CIT: variants seen among roughly 807,000 people sequenced by gnomAD.
CIT encodes citron rho-interacting serine/threonine kinase, also known as citron Rho-interacting kinase.
Under a neutral mutation model 272.7 loss-of-function variants are expected in CIT, and 79 were observed. The observed-to-expected ratio is 0.29, with a 90% CI of 0.24 to 0.35. CIT has a LOEUF of 0.35. Ranked by LOEUF, CIT falls within the 10% of genes least tolerant of loss-of-function variation. CIT has a pLI of 1.00. For missense variants in CIT, 1,909 were observed against 2,618.3 expected, an observed-to-expected ratio of 0.73 and a Z score of 5.91; for synonymous variants, 948 against 995.6, an observed-to-expected ratio of 0.95 and a Z score of 0.90.
intron 28 of CIT, among the ~76,000 whole-genome samples, chr12:119,725,229 C>T (rs1171916267): frequency 2.0e-5 from 3 of 152,020 alleles, no homozygotes; most frequent in Non-Finnish European, 4.4e-5. Flanking sequence ...TGGAGACAAG[C>T]TGGGCCAACA....
At chr12:119,843,765 G>A (rs1463549252) in intron 5 of CIT, among the ~76,000 whole-genome samples, 5 of 151,806 alleles carry the variant, frequency 3.3e-5, no homozygotes, top group East Asian at 2.0e-4. Flanking sequence ...AGCCAAGATC[G>A]CGCCACTGCA....
At chr12:119,817,194 A>T (rs368211628) in intron 9 of CIT, among the ~76,000 whole-genome samples, 5 of 152,164 alleles carry the variant, frequency 3.3e-5, no homozygotes, top group Admixed American at 2.0e-4. Flanking sequence ...GTCACAGCCT[A>T]TAGTCTGTAT....
chr12:119,743,619 T>C lies in CIT; in HGVS notation c.2905-1155A>G, dbSNP rs939036436. Among the ~76,000 whole-genome samples the C allele has an allele frequency of 6.6e-5, 10 of 152,358 alleles. 1 individual carries two copies. In the East Asian group the frequency reaches 1.9e-3, roughly 29 times the overall value. ...CATGAGGTCTGTTATAGGAAACTTCTGCTTTAGATACTATAACTAATCAAA... is the reference window on the plus strand; with the variant it reads ...CATGAGGTCTGTTATAGGAAACTTCCGCTTTAGATACTATAACTAATCAAA... On this transcript the variant is annotated intron_variant, in intron 23 of 47. Coordinates refer to ENST00000392521, the MANE Select transcript of CIT (RefSeq NM_001206999.2).
chr12:119,871,690 C>A (rs1368857403), intron 2 of CIT, among the ~76,000 whole-genome samples: 1 of 151,936 alleles, frequency 6.6e-6, no homozygotes, highest in East Asian at 1.9e-4. Context: ...CCCATCTCTA[C>A]AAACAAACAA....
At chr12:119,763,150 AAATGTTTATTTG>A (rs1282724883) in intron 19 of CIT, among the ~76,000 whole-genome samples, 17 of 152,196 alleles carry the variant, frequency 1.1e-4, no homozygotes, top group African/African-American at 3.1e-4. Flanking sequence ...AAGGGGAGCA[AAATGTTTATTTG>A]AAATAAGAGA....
rs76056294 is a variant in CIT at position 119,849,556 on chromosome 12, G to A, written c.516+618C>T. 2.1e-3 allele frequency among the ~76,000 whole-genome samples: 320 copies of A among 152,206 alleles called. 2 individuals are homozygous for A. The highest frequency in any genetic ancestry group is 7.2e-3 in the African/African-American group (301 of 41,536). On this transcript the variant is annotated intron_variant, in intron 5 of 47. Transcript: ENST00000392521. ...TTTAATCCTAAGCAAGCTAACACAG[G>A]AAGTTTTTAAAAATTAAAGCAAGAT...
chr12:119,860,494 T>C (rs950559436), intron 3 of CIT, among the ~76,000 whole-genome samples: 2 of 152,214 alleles, frequency 1.3e-5, no homozygotes, highest in African/African-American at 4.8e-5. Context: ...GAGTTTTGAA[T>C]TATAATTCCC....
chr12:119,813,963 T>A (rs1003560121), intron 9 of CIT, among the ~76,000 whole-genome samples: 1 of 152,156 alleles, frequency 6.6e-6, no homozygotes, highest in East Asian at 1.9e-4. Flanking sequence ...GTTTATATTC[T>A]CCTTTCTGCT....
At chr12:119,782,924 C>A in intron 12 of CIT, 1 of 285,218 alleles carries the variant, frequency 3.5e-6, no homozygotes, top group Non-Finnish European at 6.7e-6. Context: ...CTTGCATGTT[C>A]AGGACTAAAA....
Position 119,724,108 on chromosome 12 carries a change from G to A in CIT, c.3592-2659C>T, listed in dbSNP as rs139592537. The stretch of plus-strand genomic sequence containing the variant: ...GAGTTTGAGGGCAACATAGGGAGAC[G>A]CCGTCTCTACAAAAATACTTGAAAA... On this transcript the variant is annotated intron_variant, in intron 28 of 47. Coordinates refer to ENST00000392521, the MANE Select transcript of CIT (RefSeq NM_001206999.2). 7.4e-3 allele frequency among the ~76,000 whole-genome samples: 1,127 copies of A among 152,062 alleles called. 10 individuals carry two copies. Among genetic ancestry groups the A allele is most frequent in the African/African-American group, 0.026 (1,083 of 41,480 alleles).
chr12:119,794,038 A>G (rs1965529184), intron 10 of CIT, among the ~76,000 whole-genome samples: 1 of 152,172 alleles, frequency 6.6e-6, no homozygotes, highest in Non-Finnish European at 1.5e-5. Flanking sequence ...CTTCTTGAAC[A>G]AATACTCATG....
chr12:119,772,362 G>A (rs763479962), intron 17 of CIT, among the ~76,000 whole-genome samples: 12 of 152,158 alleles, frequency 7.9e-5, no homozygotes, highest in Non-Finnish European at 1.8e-4. Flanking sequence ...ATAGATCTGA[G>A]AGTCATTGAC....
intron 4 of CIT, among the ~76,000 whole-genome samples, chr12:119,854,941 A>G (rs1187843118): frequency 1.3e-5 from 2 of 151,316 alleles, no homozygotes; most frequent in Non-Finnish European, 2.9e-5. Flanking sequence ...ACAGAATGAG[A>G]CTCATTCTCT....
intron 4 of CIT, among the ~76,000 whole-genome samples, chr12:119,851,933 T>C (rs1029357907): frequency 3.3e-5 from 5 of 152,140 alleles, no homozygotes; most frequent in Non-Finnish European, 7.3e-5. Flanking sequence ...CTCAGGAGGC[T>C]GTGGCAGGTG....
At chr12:119,821,147 T>C (rs923119165) in intron 9 of CIT, among the ~76,000 whole-genome samples, 2 of 151,838 alleles carry the variant, frequency 1.3e-5, no homozygotes, top group African/African-American at 2.4e-5. Context: ...AATAGAAAAT[T>C]AGCTGGGTGT....
At chr12:119,696,689 G>C (rs984812711) in intron 46 of CIT, among the ~76,000 whole-genome samples, 3 of 152,058 alleles carry the variant, frequency 2.0e-5, no homozygotes, top group Non-Finnish European at 4.4e-5. Context: ...ACCACACCTG[G>C]CTAATTTTTG....
rs564447434 is a variant in CIT, at chr12:119,712,341, G to T, written c.4691C>A (p.Pro1564Gln). ...ELANTAKADV[P>Q]YILKMESHPH... ...GTGAGATTCCATCTTCAGTATGTAT[G>T]GGACATCTAGGAGATTTCAGAGAGC... Residue 1564 changes from proline (P) to glutamine (Q), a missense_variant, in exon 37 of 48, where the codon CCA (proline) becomes CAA (glutamine). Around this residue, in one of 8 missense-constraint regions of CIT, gnomAD observed 780 missense variants for 1,067.2 expected, o/e 0.73. Transcript: ENST00000392521. The surrounding 1 kb of genome is among the most constrained non-coding windows in gnomAD (Gnocchi z 5.2). 384 of 1,610,078 alleles carry T rather than the reference G, an allele frequency of 2.4e-4. No individual in the cohort carries two copies. Among genetic ancestry groups the T allele is most frequent in the Non-Finnish European group, 3.1e-4 (366 of 1,178,016 alleles).
In CIT at chr12:119,782,785, C is replaced by T. The variant is rs385959; in HGVS notation, c.1546-148G>A. 0.47 allele frequency: 428,523 copies of T among 909,520 alleles called. 102,337 individuals carry two copies. The highest frequency in any genetic ancestry group is 0.57 in the Admixed American group (20,600 of 36,062). 56.3% of individuals were successfully genotyped at this position (909,520 alleles called of 1,614,324 possible). A position where few individuals can be genotyped will look rare whatever the true frequency, so the allele number is the denominator to read the frequency against. On this transcript the variant is annotated intron_variant, in intron 12 of 47. Transcript: ENST00000392521. The stretch of plus-strand genomic sequence containing the variant: ...TTCACAACTTCCAGTTGGTTGCCGA[C>T]TCCGGTTTCCATCCTGTAAAACCCC...
chr12:119,864,252 TAAC>T (rs752115842), intron 3 of CIT, among the ~76,000 whole-genome samples: 18 of 152,188 alleles, frequency 1.2e-4, no homozygotes, highest in Non-Finnish European at 2.4e-4. Flanking sequence ...AAATTGCCAA[TAAC>T]AGCCCAATTT....
Sources: allele counts gnomAD v4.1 joint callset (sites outside exome capture counted in the v4.1 genomes callset), GRCh38; gene constraint gnomAD v4.1.1; regional missense constraint gnomAD v4.1.1; non-coding constraint Gnocchi (gnomAD v3.1); transcripts MANE v1.5; gene names NCBI Gene and HGNC (gene_info 2026-07-23, HGNC 2026-07-21).